Variants in NRG3 observed in about 807,000 individuals in gnomAD.
NRG3 encodes pro-neuregulin-3, membrane-bound isoform.
A neutral mutation model predicts 66.9 loss-of-function variants in NRG3; 31 were observed. That is an observed-to-expected ratio of 0.46 (90% CI 0.35 to 0.63). The LOEUF is 0.63. NRG3 is among the 20% of genes least tolerant of loss of function. The pLI, the probability that NRG3 is intolerant of heterozygous loss-of-function variation, is 0.00. For missense variants in NRG3, 910 were observed against 878.9 expected (o/e 1.04, Z -0.45); for synonymous variants, 393 against 359.4 (o/e 1.09, Z -1.06).
intron 4 of NRG3, among the ~76,000 whole-genome samples, chr10:82,932,786 A>G (rs1289419266): frequency 6.6e-6 from 1 of 152,184 alleles, no homozygotes; most frequent in African/African-American, 2.4e-5. Context: ...AAGAGGAGGA[A>G]GGTCACTCGT....
chr10:81,936,343 C>T (rs1202652132), intron 1 of NRG3, among the ~76,000 whole-genome samples: 1 of 152,034 alleles, frequency 6.6e-6, no homozygotes, highest in Non-Finnish European at 1.5e-5. Flanking sequence ...GTTCTATTCC[C>T]AACAGTTGCA....
At chr10:82,965,685 G>A (rs764119038) in intron 6 of NRG3, among the ~76,000 whole-genome samples, 1 of 152,038 alleles carries the variant, frequency 6.6e-6, no homozygotes, top group Non-Finnish European at 1.5e-5. Context: ...GCAGTGAGCC[G>A]AGATCAAGAC....
At chr10:82,258,990 T>TC (rs957330932) in intron 1 of NRG3, among the ~76,000 whole-genome samples, 2 of 152,108 alleles carry the variant, frequency 1.3e-5, no homozygotes, top group African/African-American at 4.8e-5. Context: ...GAAACTGATA[T>TC]CCCCAGGAAA....
At chr10:82,812,613 A>G (rs766089755) in intron 3 of NRG3, among the ~76,000 whole-genome samples, 11 of 152,200 alleles carry the variant, frequency 7.2e-5, no homozygotes, top group Non-Finnish European at 1.5e-4. Flanking sequence ...AACCACATCA[A>G]TAAAACAAAA....
intron 2 of NRG3, among the ~76,000 whole-genome samples, chr10:82,439,465 C>T (rs1484466915): frequency 6.6e-6 from 1 of 151,900 alleles, no homozygotes; most frequent in Non-Finnish European, 1.5e-5. Flanking sequence ...AAATTGCCCC[C>T]ATATGTATAA....
intron 2 of NRG3, among the ~76,000 whole-genome samples, chr10:82,522,975 A>G (rs1846344588): frequency 6.6e-6 from 1 of 152,176 alleles, no homozygotes; most frequent in African/African-American, 2.4e-5. Flanking sequence ...TACTTTCTCT[A>G]TAAATGTGCA....
intron 1 of NRG3, among the ~76,000 whole-genome samples, chr10:82,306,703 T>TA (rs71009805): frequency 0.024 from 848 of 35,892 alleles, 28 homozygotes; most frequent in South Asian, 0.039. Flanking sequence ...GACTCCGTCT[T>TA]AAAAAAAAAA....
chr10:82,731,178 C>T (rs1010718196), intron 2 of NRG3, among the ~76,000 whole-genome samples: 9 of 151,794 alleles, frequency 5.9e-5, no homozygotes, highest in Admixed American at 2.0e-4. Flanking sequence ...ACTAGCCTGG[C>T]CAACATGGTG....
chr10:82,835,088 C>A (rs1224031000), intron 3 of NRG3, among the ~76,000 whole-genome samples: 1 of 152,206 alleles, frequency 6.6e-6, no homozygotes, highest in Non-Finnish European at 1.5e-5. Flanking sequence ...CATCATCATG[C>A]CATTTTCATC....
intron 1 of NRG3, among the ~76,000 whole-genome samples, chr10:81,958,867 G>T (rs1850089168): frequency 6.6e-6 from 1 of 151,892 alleles, no homozygotes; most frequent in Non-Finnish European, 1.5e-5. Context: ...CTCCAGCTGG[G>T]GCAACAGAGT....
intron 2 of NRG3, among the ~76,000 whole-genome samples, chr10:82,391,764 T>G (rs2086381678): frequency 6.6e-6 from 1 of 152,084 alleles, no homozygotes; most frequent in Non-Finnish European, 1.5e-5. Context: ...TGTGTGTTTT[T>G]TAGTCACTCT....
At chr10:82,407,307 C>T (rs1473392241) in intron 2 of NRG3, among the ~76,000 whole-genome samples, 1 of 151,938 alleles carries the variant, frequency 6.6e-6, no homozygotes, top group East Asian at 1.9e-4. Flanking sequence ...CTTAAATTGC[C>T]TTCAACAGGA....
chr10:82,797,036 A>G (rs2060828829), intron 3 of NRG3, among the ~76,000 whole-genome samples: 1 of 152,248 alleles, frequency 6.6e-6, no homozygotes, highest in African/African-American at 2.4e-5. Context: ...AGAGGCAATT[A>G]GAAAAATTAA....
intron 2 of NRG3, among the ~76,000 whole-genome samples, chr10:82,474,525 T>A (rs1331314120): frequency 1.3e-5 from 2 of 152,004 alleles, no homozygotes; most frequent in Non-Finnish European, 2.9e-5. Flanking sequence ...GAAGAACTAA[T>A]CATAGAACTT....
At chr10:82,350,018 C>A (rs1455468096) in intron 1 of NRG3, among the ~76,000 whole-genome samples, 2 of 152,156 alleles carry the variant, frequency 1.3e-5, no homozygotes, top group African/African-American at 2.4e-5. Flanking sequence ...CGGAAATCAC[C>A]GTCTTCTGCG....
At chr10:82,232,776 C>A (rs981113272) in intron 1 of NRG3, 1 of 717,234 alleles carries the variant, frequency 1.4e-6, no homozygotes, top group South Asian at 1.5e-5. Context: ...TACATGGCAA[C>A]ATGGGGAAGA....
chr10:81,918,350 C>T (rs1845901030), intron 1 of NRG3, among the ~76,000 whole-genome samples: 1 of 152,172 alleles, frequency 6.6e-6, no homozygotes, highest in African/African-American at 2.4e-5. Context: ...CTTGAATTCA[C>T]ATATGATATT....
At chr10:82,615,030 A>G (rs2048552083) in intron 2 of NRG3, among the ~76,000 whole-genome samples, 1 of 152,114 alleles carries the variant, frequency 6.6e-6, no homozygotes, top group Non-Finnish European at 1.5e-5. Context: ...TTACTATTCT[A>G]TACACCTGTT....
chr10:82,843,855 T>C (rs902151921), intron 3 of NRG3, among the ~76,000 whole-genome samples: 3 of 152,178 alleles, frequency 2.0e-5, no homozygotes, highest in Non-Finnish European at 2.9e-5. Flanking sequence ...CATTAAGTAA[T>C]GATAAAAGCA....
Sources: gnomAD v4.1 joint callset for allele counts (sites outside exome capture counted in the v4.1 genomes callset) on GRCh38, gnomAD v4.1.1 for gene constraint, MANE v1.5 for transcripts, NCBI Gene and HGNC (gene_info 2026-07-23, HGNC 2026-07-21) for gene names.